TXNL1: variants seen among roughly 807,000 people sequenced by gnomAD.
The protein encoded by TXNL1 is thioredoxin-like protein 1.
TXNL1 carries 14 observed loss-of-function variants against 35.5 expected under a neutral mutation model. That is an observed-to-expected ratio of 0.39 (90% CI 0.26 to 0.62). TXNL1 has a LOEUF of 0.62. TXNL1 is among the 20% of genes least tolerant of loss of function. The probability of loss-of-function intolerance (pLI) is 0.47; values close to 1 mark genes in which losing one functional copy is unlikely to be tolerated. For missense variants in TXNL1, 263 were observed against 349.7 expected (o/e 0.75, Z 1.98); for synonymous variants, 110 against 115.5 (o/e 0.95, Z 0.31).
Position 56,616,262 on chromosome 18 carries a change from AAT to A in TXNL1, c.543_544del (p.Lys181AsnfsTer6). On this transcript the variant is annotated frameshift_variant, in exon 5 of 8. Transcript: ENST00000217515. LOFTEE classifies it high-confidence loss of function. ...TTACTCACCATTATCTGGCCCTTGA[AAT>A]TTCATGGAATAAAGCTTAACAGGTT... 1 of 1,613,792 alleles carries A rather than the reference AAT, an allele frequency of 6.2e-7. No homozygotes were observed. The highest frequency in any genetic ancestry group is 8.5e-7 in the Non-Finnish European group (1 of 1,179,880).
chr18:56,625,600 T>C (rs919899643), intron 2 of TXNL1, among the ~76,000 whole-genome samples: 13 of 152,180 alleles, frequency 8.5e-5, no homozygotes, highest in African/African-American at 2.7e-4. Flanking sequence ...GCCAATGATA[T>C]AGTGCAATAA....
At chr18:56,622,822 T>A (rs987867963) in intron 3 of TXNL1, among the ~76,000 whole-genome samples, 2 of 152,190 alleles carry the variant, frequency 1.3e-5, no homozygotes, top group Non-Finnish European at 2.9e-5. Flanking sequence ...TTTCCAAAAC[T>A]GTCCAAAAGA....
At chr18:56,607,157 A>G (rs2023911170) in intron 7 of TXNL1, among the ~76,000 whole-genome samples, 1 of 75,642 alleles carries the variant, frequency 1.3e-5, no homozygotes. Context: ...TTGCCTGGGT[A>G]ATTTTGTGTG....
In TXNL1 at chr18:56,611,003, T is replaced by C. The variant is rs1445666552; in HGVS notation, c.830A>G (p.Asp277Gly). ...GTPVQATNMN[D>G]FKRVVGKKGE... ...TTTAAGCAAACTTACTCGTTTGAAG[T>C]CATTCATATTTGTTGCCTGGACTGG... Residue 277 changes from aspartate to glycine, a missense_variant, in exon 7 of 8, where the codon GAC becomes GGC. Physicochemically the swap from Asp to Gly is moderately conservative, Grantham distance 94. Coordinates refer to ENST00000217515, the MANE Select transcript of TXNL1 (RefSeq NM_004786.3). The C allele has an allele frequency of 1.3e-6, 2 of 1,597,812 alleles. No individual in the cohort carries two copies. Among genetic ancestry groups the C allele is most frequent in the Non-Finnish European group, 1.7e-6 (2 of 1,172,748 alleles).
intron 4 of TXNL1, among the ~76,000 whole-genome samples, chr18:56,617,233 AC>A (rs1352980906): frequency 2.0e-5 from 3 of 152,156 alleles, no homozygotes; most frequent in Non-Finnish European, 4.4e-5. Flanking sequence ...TTACACCAAT[AC>A]TTTTTATACT....
At chr18:56,624,547 C>G in intron 2 of TXNL1, 86 bp from the exon 3 acceptor site, 3 of 1,392,240 alleles carry the variant, frequency 2.2e-6, no homozygotes, top group Non-Finnish European at 2.9e-6. Context: ...AAGTTAAATA[C>G]CATAAGCATG....
rs551475599 is a variant in TXNL1 at position 56,603,441 on chromosome 18, C to A, written c.841-385G>T. ...TCACAAAAGAATCTGGAATTAGAAG[C>A]GTATGTTAAACTCATGTCCTTCATG... is the stretch of plus-strand genomic sequence containing the variant. On this transcript the variant is annotated intron_variant, in intron 7 of 7. Coordinates refer to ENST00000217515, the MANE Select transcript of TXNL1 (RefSeq NM_004786.3). Among the ~76,000 whole-genome samples, 3 of 152,006 alleles carry A rather than the reference C, an allele frequency of 2.0e-5. No homozygotes were observed. The South Asian group carries it at 6.2e-4, about 32-fold the overall frequency.
At chr18:56,638,170 A>G (rs936575714) in intron 1 of TXNL1, among the ~76,000 whole-genome samples, 173 bp downstream of exon 1, 1 of 152,228 alleles carries the variant, frequency 6.6e-6, no homozygotes, top group Non-Finnish European at 1.5e-5. Flanking sequence ...ACCCCTGTGC[A>G]TAAATGGGGG....
intron 1 of TXNL1, among the ~76,000 whole-genome samples, chr18:56,628,362 T>C (rs957195689): frequency 6.6e-6 from 1 of 152,194 alleles, no homozygotes; most frequent in African/African-American, 2.4e-5. Flanking sequence ...CTAAGACACA[T>C]GTTCACCTTA....
chr18:56,629,858 A>G (rs2024343320), intron 1 of TXNL1, among the ~76,000 whole-genome samples: 1 of 152,162 alleles, frequency 6.6e-6, no homozygotes, highest in Admixed American at 6.5e-5. Context: ...TTTGTTGGCA[A>G]ACTACTTGAA....
intron 7 of TXNL1, among the ~76,000 whole-genome samples, chr18:56,607,193 A>ATTC (rs2023912875): frequency 1.2e-5 from 1 of 83,730 alleles, no homozygotes; most frequent in South Asian, 4.3e-4. Context: ...GTGTGTGTGT[A>ATTC]TTCTTATAGA....
rs78928050 is a variant in TXNL1 at position 56,601,104 on chromosome 18, T to G, written c.*1923A>C. 17 of 47,748 alleles carry G rather than the reference T, an allele frequency of 3.6e-4. 1 individual carries two copies. In the East Asian group the frequency reaches 0.013, roughly 36 times the overall value. 3.0% of individuals were successfully genotyped at this position (47,748 alleles called of 1,614,324 possible). Reference sequence around the variant, plus strand: ...AAAATTCAGTGTTATATATAAATGTTACATATACATATGTGTGTATATATA... The same window carrying G: ...AAAATTCAGTGTTATATATAAATGTGACATATACATATGTGTGTATATATA... On this transcript the variant is annotated 3_prime_UTR_variant, in exon 8 of 8. Transcript: ENST00000217515.
intron 6 of TXNL1, among the ~76,000 whole-genome samples, chr18:56,612,196 G>A (rs898260985): frequency 2.6e-5 from 4 of 151,242 alleles, no homozygotes; most frequent in South Asian, 2.1e-4. Context: ...ATGTTGAAAG[G>A]GTATTAAGAG....
At chr18:56,626,266 A>G (rs2024276488) in intron 2 of TXNL1, 95 bp downstream of exon 2, 1 of 1,525,842 alleles carries the variant, frequency 6.6e-7, no homozygotes, top group East Asian at 2.3e-5. Context: ...AGGAATAAGT[A>G]CTATGTGCAT....
chr18:56,617,208 G>A (rs11873213), intron 4 of TXNL1, among the ~76,000 whole-genome samples: 1 of 151,970 alleles, frequency 6.6e-6, no homozygotes, highest in Non-Finnish European at 1.5e-5. Context: ...AAAATAACTA[G>A]GCTATTTCCT....
Position 56,616,312 on chromosome 18 carries a change from C to A in TXNL1, c.495G>T (p.Leu165=). 6.2e-7 allele frequency: 1 copy of A among 1,613,192 alleles called. No individual in the cohort carries two copies. Among genetic ancestry groups the A allele is most frequent in the Non-Finnish European group, 8.5e-7 (1 of 1,179,670 alleles). ...GTTGATTGAATGCCACAGTAATAAG[C>A]AGCTGTGAAGATAAGAGTTTCATTT... ...TFLESDCDEQ[L]LITVAFNQPV... The change falls in exon 5 of 8, where the codon CTG becomes CTT. Residue 165 remains leucine, a splice_region_variant and synonymous_variant. Transcript: ENST00000217515.
intron 3 of TXNL1, among the ~76,000 whole-genome samples, chr18:56,621,576 T>C (rs867076442): frequency 3.3e-5 from 5 of 152,232 alleles, no homozygotes; most frequent in Admixed American, 6.5e-5. Flanking sequence ...TTACATTGCA[T>C]AGTTGACATA....
At chr18:56,615,897 A>G (rs1317241771) in intron 5 of TXNL1, among the ~76,000 whole-genome samples, 2 of 152,126 alleles carry the variant, frequency 1.3e-5, no homozygotes, top group African/African-American at 2.4e-5. Context: ...TGGGAGGCCA[A>G]GGTGGGTGGA....
chr18:56,607,161 T>TTGTG (rs112495608), intron 7 of TXNL1, among the ~76,000 whole-genome samples: 15,756 of 137,458 alleles, frequency 0.11, 954 homozygotes, highest in Non-Finnish European at 0.14. Context: ...CTGGGTAATT[T>TTGTG]TGTGTGTGTG....
Sources: allele counts gnomAD v4.1 joint callset (sites outside exome capture counted in the v4.1 genomes callset), GRCh38; gene constraint gnomAD v4.1.1; transcripts MANE v1.5; gene names NCBI Gene and HGNC (gene_info 2026-07-23, HGNC 2026-07-21).